The following ZNF18 variants were observed in gnomAD, a reference collection of about 807,000 sequenced individuals.
ZNF18 encodes the protein zinc finger protein 18.
In ZNF18, 42 loss-of-function variants were observed where a neutral mutation model predicts 58.1. That is an observed-to-expected ratio of 0.72 (90% confidence interval 0.56 to 0.93). The LOEUF (loss-of-function observed/expected upper bound fraction) is 0.93. ZNF18 is among the 40% of genes least tolerant of loss of function. The probability of loss-of-function intolerance (pLI) is 0.00; values close to 1 mark genes in which losing one functional copy is unlikely to be tolerated. For missense variants in ZNF18, 540 were observed against 644.2 expected (o/e 0.84, Z 1.75); for synonymous variants, 231 against 239.8 (o/e 0.96, Z 0.34).
intron 4 of ZNF18, among the ~76,000 whole-genome samples, chr17:11,985,534 GTAT>G (rs560888999): frequency 9.8e-4 from 149 of 152,114 alleles, no homozygotes; most frequent in Non-Finnish European, 1.9e-3. Flanking sequence ...TTTATTTATA[GTAT>G]TTATCCATTT....
chr17:11,988,610 G>A (rs1028557579), intron 4 of ZNF18, among the ~76,000 whole-genome samples: 1 of 152,116 alleles, frequency 6.6e-6, no homozygotes, highest in African/African-American at 2.4e-5. Flanking sequence ...CAGGCAAAGT[G>A]GAAAACCTGG....
chr17:11,997,383 C>A (rs908230289), intron 1 of ZNF18, 48 bp downstream of exon 1: 1 of 152,270 alleles, frequency 6.6e-6, no homozygotes, highest in South Asian at 2.1e-4. Context: ...AGCGCAAGGC[C>A]TGACCCCGAG....
chr17:12,021,335 C>T, the ZNF18 span: 2 of 167,658 alleles, frequency 1.2e-5, no homozygotes, highest in African/African-American at 2.4e-5. Flanking sequence ...GGCGCCCGCC[C>T]GGCCCCCGTT....
chr17:11,987,228 A>C (rs766821281), intron 4 of ZNF18, among the ~76,000 whole-genome samples: 35 of 152,344 alleles, frequency 2.3e-4, no homozygotes, highest in Non-Finnish European at 4.3e-4. Flanking sequence ...TTAAGTCTGA[A>C]AACAGGGGAA....
chr17:11,999,784 G>A (rs1247599017), upstream of ZNF18, among the ~76,000 whole-genome samples: 4 of 152,330 alleles, frequency 2.6e-5, no homozygotes, highest in East Asian at 5.8e-4. Context: ...GAGAGGTACT[G>A]TTAGAGATGG....
intron 1 of ZNF18, among the ~76,000 whole-genome samples, chr17:11,995,279 A>G (rs1968399111): frequency 8.7e-6 from 1 of 115,324 alleles, no homozygotes; most frequent in African/African-American, 2.8e-5. Flanking sequence ...CGTGGTGGTG[A>G]ATGCCTGTAA....
At chr17:12,017,740 G>C in the ZNF18 span, among the ~76,000 whole-genome samples, 1 of 151,912 alleles carries the variant, frequency 6.6e-6, no homozygotes, top group Non-Finnish European at 1.5e-5. Context: ...AACCAGGTGT[G>C]GTGGCACATG....
chr17:12,014,787 A>G, the ZNF18 span, among the ~76,000 whole-genome samples: 1 of 152,206 alleles, frequency 6.6e-6, no homozygotes, highest in Non-Finnish European at 1.5e-5. Context: ...GCGGTGGCTT[A>G]CACCTGTAAT....
In ZNF18 at chr17:11,977,878, A is replaced by C; in HGVS notation, c.*79T>G. On this transcript the variant is annotated 3_prime_UTR_variant, in exon 7 of 7. Transcript: ENST00000580306. ...GATTAACAGGGGTATCCTCTTAGAC[A>C]CAATTCCTCTTGATGGAGCTGAGTA... is the stretch of plus-strand genomic sequence containing the variant. 6.7e-7 allele frequency: 1 copy of C among 1,482,904 alleles called. No homozygotes were observed. The allele number at this position is 1,482,904 out of a possible 1,614,324, so 91.9% of individuals were successfully genotyped here.
chr17:12,014,600 GA>G, the ZNF18 span, among the ~76,000 whole-genome samples: 2 of 152,186 alleles, frequency 1.3e-5, no homozygotes, highest in Non-Finnish European at 2.9e-5. Context: ...CAAATATATA[GA>G]GACATAAAGT....
At position 11,983,332 on chromosome 17, in the gene ZNF18, T is replaced by C. The variant is rs1201685600; in HGVS notation, c.827A>G (p.His276Arg). Reference protein sequence around the residue: ...FGEELAGIYLHVNEKIPRPTC... With the variant: ...FGEELAGIYLRVNEKIPRPTC... ...GGGTCTTGGGATCTTCTCATTGACA[T>C]GAAGGTATATTCCTGCCAGCTCTTC... Residue 276 changes from histidine (H) to arginine (R), a missense_variant, in exon 6 of 7, where the codon CAT becomes CGT. Transcript: ENST00000580306. The C allele has an allele frequency of 6.2e-7, 1 of 1,614,078 alleles. No individual in the cohort carries two copies. Among genetic ancestry groups the C allele is most frequent in the East Asian group, 2.2e-5 (1 of 44,874 alleles).
At position 11,978,383 on chromosome 17, in the gene ZNF18, G is replaced by A. The variant is rs1358758914; in HGVS notation, c.1224C>T (p.Pro408=). 2 of 1,551,802 alleles carry A rather than the reference G, an allele frequency of 1.3e-6. No homozygotes were observed. The highest frequency in any genetic ancestry group is 1.7e-6 in the Non-Finnish European group (2 of 1,153,324). ...AGGTCTTCCCACACTCCCTGCAGGT[G>A]GGGAGCTTCTGGGCCATGGGGGCTC... ...QPRAPMAQKL[P]TCRECGKTFY... is the part of the protein sequence containing the mutation. The change falls in exon 7 of 7, where the codon CCC becomes CCT. Residue 408 remains proline, a synonymous_variant. Coordinates refer to ENST00000580306, the MANE Select transcript of ZNF18 (RefSeq NM_001303281.2).
chr17:11,992,376 A>C (rs1447424743), intron 2 of ZNF18, 67 bp downstream of exon 2: 1 of 1,538,398 alleles, frequency 6.5e-7, no homozygotes, highest in Non-Finnish European at 8.7e-7. Context: ...GAAAAAAGAC[A>C]ACACACCTGA....
At chr17:11,991,203 A>G in intron 2 of ZNF18, 40 bp from the exon 3 acceptor site, 1 of 1,543,132 alleles carries the variant, frequency 6.5e-7, no homozygotes, top group Non-Finnish European at 8.9e-7. Context: ...TGAAGAATCC[A>G]GAGTAAGGAT....
the ZNF18 span, among the ~76,000 whole-genome samples, chr17:12,008,960 G>A: frequency 2.6e-5 from 4 of 152,146 alleles, no homozygotes; most frequent in African/African-American, 7.2e-5. Context: ...TCCAAAATTC[G>A]GAGCATAGCA....
At position 11,982,657 on chromosome 17, in the gene ZNF18, A is replaced by AGTGTGTGTGTGTGTGT. The variant is rs143602913; in HGVS notation, c.862+624_862+639dup. On this transcript the variant is annotated intron_variant, in intron 6 of 6. Coordinates refer to ENST00000580306, the MANE Select transcript of ZNF18 (RefSeq NM_001303281.2). The stretch of plus-strand genomic sequence containing the variant: ...TTCTGGGATTTACTGTATATATAAA[A>AGTGTGTGTGTGTGTGT]GTGTGTGTGTGTGTGTGTGTGTGTG... Among the ~76,000 whole-genome samples the AGTGTGTGTGTGTGTGT allele has an allele frequency of 2.3e-3, 309 of 136,808 alleles. 1 individual carries two copies. Among genetic ancestry groups the AGTGTGTGTGTGTGTGT allele is most frequent in the Middle Eastern group, 7.7e-3 (2 of 260 alleles). 89.8% of individuals were successfully genotyped at this position (136,808 alleles called of 152,430 possible). A position where few individuals can be genotyped will look rare whatever the true frequency, so the allele number is the denominator to read the frequency against.
At chr17:11,985,998 C>A (rs1005057449) in intron 4 of ZNF18, among the ~76,000 whole-genome samples, 2 of 152,206 alleles carry the variant, frequency 1.3e-5, no homozygotes, top group East Asian at 3.8e-4. Context: ...TGTGTCCCCA[C>A]CCAAATCTCA....
At chr17:11,990,900 T>C (rs2151482561) in intron 3 of ZNF18, 74 bp downstream of exon 3, 2 of 1,495,744 alleles carry the variant, frequency 1.3e-6, no homozygotes, top group South Asian at 2.5e-5. Context: ...CAGCATACCA[T>C]TTCAACTCAC....
the ZNF18 span, among the ~76,000 whole-genome samples, chr17:12,019,765 A>T: frequency 6.6e-6 from 1 of 152,228 alleles, no homozygotes; most frequent in South Asian, 2.1e-4. Flanking sequence ...AAGAACTCTC[A>T]GCATCAAATA....
Sources: allele counts gnomAD v4.1 joint callset (sites outside exome capture counted in the v4.1 genomes callset), GRCh38; gene constraint gnomAD v4.1.1; transcripts MANE v1.5; gene names NCBI Gene and HGNC (gene_info 2026-07-23, HGNC 2026-07-21).